EPHA6: variants seen among roughly 807,000 people sequenced by gnomAD.
EPHA6 encodes EPH receptor A6.
In EPHA6, 50 loss-of-function variants were observed where a neutral mutation model predicts 112.0. The observed-to-expected ratio is 0.45, with a 90% confidence interval of 0.36 to 0.56. The LOEUF (loss-of-function observed/expected upper bound fraction) is 0.56, where lower values mean the gene tolerates loss of function less well. Among genes scored for constraint, EPHA6 ranks in the 20% least tolerant of loss-of-function variants. The pLI is 0.00. For synonymous variants in EPHA6, 529 were observed against 490.7 expected (o/e 1.08, Z -1.03); for missense variants, 1,280 against 1,417.4 (o/e 0.90, Z 1.56).
chr3:97,278,924 G>A (rs2080192566), intron 5 of EPHA6, among the ~76,000 whole-genome samples: 1 of 152,214 alleles, frequency 6.6e-6, no homozygotes, highest in South Asian at 2.1e-4. Flanking sequence ...AAACACATAC[G>A]ATTGAAACAG....
chr3:97,509,898 T>A (rs1036235363), intron 10 of EPHA6, among the ~76,000 whole-genome samples: 14 of 152,198 alleles, frequency 9.2e-5, no homozygotes, highest in African/African-American at 3.4e-4. Flanking sequence ...TTCATTATTT[T>A]TTCTCTAATC....
intron 5 of EPHA6, among the ~76,000 whole-genome samples, chr3:97,360,737 T>A (rs897592818): frequency 6.6e-6 from 1 of 152,230 alleles, no homozygotes; most frequent in African/African-American, 2.4e-5. Context: ...GAAGATAATG[T>A]ATGTAACTCT....
At chr3:96,822,412 A>T (rs919444793) in intron 1 of EPHA6, among the ~76,000 whole-genome samples, 1 of 151,810 alleles carries the variant, frequency 6.6e-6, no homozygotes, top group Non-Finnish European at 1.5e-5. Flanking sequence ...TGAAAAATAT[A>T]TTGAGCTAGT....
At chr3:96,893,970 T>C (rs964801224) in intron 2 of EPHA6, among the ~76,000 whole-genome samples, 11 of 152,218 alleles carry the variant, frequency 7.2e-5, no homozygotes, top group Admixed American at 6.5e-4. Context: ...GGAGGAAAAT[T>C]ACTTGTCATA....
chr3:96,866,751 T>C, intron 1 of EPHA6, 74 bp from the exon 2 acceptor site: 1 of 791,346 alleles, frequency 1.3e-6, no homozygotes, highest in Non-Finnish European at 1.9e-6. Context: ...ATTTTTATTA[T>C]AACTTTAATA....
chr3:96,963,293 A>T (rs2042010928), intron 2 of EPHA6, among the ~76,000 whole-genome samples: 1 of 152,156 alleles, frequency 6.6e-6, no homozygotes, highest in Admixed American at 6.5e-5. Context: ...ATAATGCGTT[A>T]GTTTGTCATT....
intron 11 of EPHA6, among the ~76,000 whole-genome samples, chr3:97,568,442 A>G (rs2093295449): frequency 1.3e-5 from 2 of 152,172 alleles, no homozygotes; most frequent in Non-Finnish European, 2.9e-5. Context: ...TCTTTGGCAG[A>G]ATATTCAAGG....
At chr3:97,648,526 T>C in intron 14 of EPHA6, 1 of 1,276,886 alleles carries the variant, frequency 7.8e-7, no homozygotes, top group Admixed American at 4.1e-5. Context: ...TTTTAAGCCT[T>C]GAACATGTCC....
intron 2 of EPHA6, among the ~76,000 whole-genome samples, chr3:96,956,427 G>C (rs1039125189): frequency 1.3e-5 from 2 of 152,152 alleles, no homozygotes; most frequent in African/African-American, 4.8e-5. Flanking sequence ...TTACCCCAAA[G>C]CTGGAATACA....
At chr3:97,250,105 A>C (rs2079092572) in intron 5 of EPHA6, among the ~76,000 whole-genome samples, 2 of 152,214 alleles carry the variant, frequency 1.3e-5, no homozygotes, top group South Asian at 4.1e-4. Flanking sequence ...AAAGAAGACT[A>C]TTACAGGCAA....
At chr3:96,908,898 T>C (rs988570291) in intron 2 of EPHA6, among the ~76,000 whole-genome samples, 1 of 151,986 alleles carries the variant, frequency 6.6e-6, no homozygotes, top group Non-Finnish European at 1.5e-5. Context: ...AATAGCTTCA[T>C]TGGAGTTAAT....
chr3:97,016,443 A>G lies in EPHA6; in HGVS notation c.1114+28450A>G, dbSNP rs567781443. Among the ~76,000 whole-genome samples the G allele has an allele frequency of 7.7e-4, 118 of 152,300 alleles. 2 individuals are homozygous for G. Among genetic ancestry groups the G allele is most frequent in the African/African-American group, 2.7e-3 (114 of 41,588 alleles). The stretch of plus-strand genomic sequence containing the variant: ...CAATTTCAGAAAAAAAGTAAATTAA[A>G]TATAAAAAGTTCTAATAATAAATAG... On this transcript the variant is annotated intron_variant, in intron 3 of 17. Transcript: ENST00000389672.
intron 4 of EPHA6, among the ~76,000 whole-genome samples, chr3:97,232,202 C>A (rs1477487660): frequency 6.6e-6 from 1 of 152,098 alleles, no homozygotes; most frequent in Non-Finnish European, 1.5e-5. Flanking sequence ...TTGTACCATC[C>A]ATATTGATAA....
chr3:97,362,103 A>G lies in EPHA6; in HGVS notation c.1607-43047A>G, dbSNP rs185187400. ...AAATGTATATTTTGGTAAAGGAGAA[A>G]AACAGCTAAGTACACAAACCACTTC... On this transcript the variant is annotated intron_variant, in intron 5 of 17. Coordinates refer to ENST00000389672, the MANE Select transcript of EPHA6 (RefSeq NM_001080448.3). Among the ~76,000 whole-genome samples, 68 of 152,268 alleles carry G rather than the reference A, an allele frequency of 4.5e-4. 2 individuals carry two copies. The East Asian group carries it at 0.012, about 28-fold the overall frequency.
chr3:97,599,973 G>A (rs993753086), intron 12 of EPHA6, among the ~76,000 whole-genome samples: 21 of 151,996 alleles, frequency 1.4e-4, no homozygotes, highest in African/African-American at 5.1e-4. Flanking sequence ...TCCTTGAAGA[G>A]GTCCTTCACA....
intron 3 of EPHA6, among the ~76,000 whole-genome samples, chr3:96,999,068 G>A (rs939430982): frequency 6.6e-6 from 1 of 151,590 alleles, no homozygotes; most frequent in Non-Finnish European, 1.5e-5. Flanking sequence ...ATATTTTAAG[G>A]TCCCATTCTA....
intron 2 of EPHA6, among the ~76,000 whole-genome samples, chr3:96,952,827 G>A (rs925102940): frequency 6.6e-6 from 1 of 152,208 alleles, no homozygotes; most frequent in East Asian, 1.9e-4. Context: ...TGGACACATA[G>A]AGGGGAACAA....
At chr3:97,330,684 A>C (rs1341164442) in intron 5 of EPHA6, among the ~76,000 whole-genome samples, 3 of 152,134 alleles carry the variant, frequency 2.0e-5, no homozygotes, top group Non-Finnish European at 4.4e-5. Context: ...TCAATTCAAC[A>C]AGAAGAGCTA....
At chr3:97,317,457 A>G (rs897504347) in intron 5 of EPHA6, among the ~76,000 whole-genome samples, 38 of 152,154 alleles carry the variant, frequency 2.5e-4, no homozygotes, top group Admixed American at 2.2e-3. Context: ...ACTCATTGTT[A>G]TCATGGTAGT....
Sources: gnomAD v4.1 joint callset for allele counts (sites outside exome capture counted in the v4.1 genomes callset) on GRCh38, gnomAD v4.1.1 for gene constraint, MANE v1.5 for transcripts, NCBI Gene and HGNC (gene_info 2026-07-23, HGNC 2026-07-21) for gene names.